Variants in TSC2 observed in about 807,000 individuals in gnomAD.
TSC2 encodes TSC complex subunit 2, also known as tuberin.
In TSC2, 29 loss-of-function variants were observed where a neutral mutation model predicts 202.2. The ratio of observed to expected loss-of-function variants is 0.14; its 90% CI spans 0.11 to 0.20. The LOEUF (loss-of-function observed/expected upper bound fraction) is 0.20. Among genes scored for constraint, TSC2 ranks in the 10% least tolerant of loss-of-function variants. The pLI, the probability that TSC2 is intolerant of heterozygous loss-of-function variation, is 1.00. For missense variants in TSC2, 2,429 were observed against 2,420.0 expected (o/e 1.00, Z -0.08); for synonymous variants, 1,349 against 1,044.0 (o/e 1.29, Z -5.63).
chr16:2,051,697 G>A (rs897147884), intron 3 of TSC2, among the ~76,000 whole-genome samples: 1 of 152,204 alleles, frequency 6.6e-6, no homozygotes, highest in African/African-American at 2.4e-5. Context: ...CTGCTAAGAG[G>A]AGAGTGATTG....
rs1057522018 is a variant in TSC2 at position 2,088,334 on chromosome 16, T to C, written c.5259+9T>C. On this transcript the variant is annotated intron_variant, in intron 41 of 41. Transcript: ENST00000219476. ...AGCGGCTCCGCCAGCGGGTAGGGAA[T>C]ATGGGGCTCCCTCAGCGGGGTGTGC... The C allele has an allele frequency of 1.6e-5, 26 of 1,612,434 alleles. No homozygotes were observed. The Admixed American group carries it at 2.8e-4, about 18-fold the overall frequency.
intron 7 of TSC2, among the ~76,000 whole-genome samples, 197 bp from the exon 8 acceptor site, chr16:2,056,447 G>A (rs2085834404): frequency 6.6e-6 from 1 of 152,242 alleles, no homozygotes; most frequent in South Asian, 2.1e-4. Context: ...GTGGATGACA[G>A]CATCAATGAC....
Position 2,081,715 on chromosome 16 carries a change from A to G in TSC2, c.3731A>G (p.His1244Arg). 1 of 1,612,948 alleles carries G rather than the reference A, an allele frequency of 6.2e-7. No individual in the cohort carries two copies. Among genetic ancestry groups the G allele is most frequent in the East Asian group, 2.2e-5 (1 of 44,888 alleles). Reference sequence around the variant, plus strand: ...ATGGCGGCTGAGCGCTTCAAGGAGCACCGGGACACAGCCCTGTACAAGTCA... The same window carrying G: ...ATGGCGGCTGAGCGCTTCAAGGAGCGCCGGGACACAGCCCTGTACAAGTCA... ...ALMAAERFKE[H>R]RDTALYKSLS... The change falls in exon 31 of 42, where the codon CAC (histidine) becomes CGC (arginine). Residue 1244 changes from histidine to arginine, a missense_variant. Physicochemically the swap from His to Arg is conservative, Grantham distance 29 (BLOSUM62 0). Transcript: ENST00000219476.
Position 2,058,881 on chromosome 16 carries a change from G to A in TSC2, c.975+8G>A, listed in dbSNP as rs137853984. 5.0e-5 allele frequency: 81 copies of A among 1,606,318 alleles called. No individual in the cohort carries two copies. The highest frequency in any genetic ancestry group is 6.1e-5 in the Non-Finnish European group (72 of 1,176,760). The stretch of plus-strand genomic sequence containing the variant: ...TTGCCATCATTTTACCAGGTAAGGC[G>A]GTTTCTGTGTGCAGTGAGCTGGCAG... On this transcript the variant is annotated splice_region_variant and intron_variant, in intron 10 of 41. Transcript: ENST00000219476.
intron 6 of TSC2, chr16:2,055,890 C>CAAA (rs373314420): frequency 5.6e-3 from 1,481 of 264,122 alleles, no homozygotes; most frequent in Middle Eastern, 8.3e-3. Context: ...AACTCCATCT[C>CAAA]AAAAAAAAAA....
In TSC2 at chr16:2,086,400, G is replaced by C. The variant is rs377529424; in HGVS notation, c.4849+21G>C. On this transcript the variant is annotated intron_variant, in intron 37 of 41. Coordinates refer to ENST00000219476, the MANE Select transcript of TSC2 (RefSeq NM_000548.5). ...GCAAGGTACGGCCTGGCGCCTACCC[G>C]CTCCTGCTGCCCCAGGCCTCAGGGC... is the stretch of plus-strand genomic sequence containing the variant. The C allele has an allele frequency of 2.5e-6, 4 of 1,608,342 alleles. No homozygotes were observed. The Admixed American group carries it at 5.0e-5, about 20-fold the overall frequency.
At position 2,079,067 on chromosome 16, in the gene TSC2, G is replaced by A. The variant is rs368878445; in HGVS notation, c.3002G>A (p.Gly1001Glu). The change falls in exon 27 of 42, where the codon GGG (glycine) becomes GAG (glutamate). Residue 1001 changes from glycine to glutamate, a missense_variant. Physicochemically the swap from Gly to Glu is moderately conservative, Grantham distance 98. Transcript: ENST00000219476. This position sits in a 1 kb window ranked among gnomAD's most constrained non-coding sequence, Gnocchi z 4.6. ...ACGTCCCTCACCAGTGCCAGCTTGGGGTCTGCAGATGAGAACTCCGTGGCC... is the reference window on the plus strand; with the variant it reads ...ACGTCCCTCACCAGTGCCAGCTTGGAGTCTGCAGATGAGAACTCCGTGGCC... ...IQTSLTSASL[G>E]SADENSVAQA... 14 of 1,612,904 alleles carry A rather than the reference G, an allele frequency of 8.7e-6. No individual in the cohort carries two copies. In the East Asian group the frequency reaches 2.2e-4, roughly 26 times the overall value.
chr16:2,056,495 C>A (rs1022033890), intron 7 of TSC2, 149 bp from the exon 8 acceptor site: 3 of 1,277,500 alleles, frequency 2.3e-6, no homozygotes, highest in Admixed American at 2.1e-5. Context: ...CCCACATGCC[C>A]GCTTGCCCTG....
intron 2 of TSC2, among the ~76,000 whole-genome samples, chr16:2,049,522 G>A (rs1196830999): frequency 6.6e-6 from 1 of 151,958 alleles, no homozygotes; most frequent in Non-Finnish European, 1.5e-5. Context: ...ATCAACTGAT[G>A]AATAAAATAT....
chr16:2,060,353 C>G (rs560004172), intron 10 of TSC2, among the ~76,000 whole-genome samples: 31 of 152,344 alleles, frequency 2.0e-4, no homozygotes, highest in African/African-American at 7.0e-4. Flanking sequence ...TTGTGCACAG[C>G]TTGCAGCCGA....
At chr16:2,064,607 G>T (rs2087064813) in intron 15 of TSC2, 180 bp downstream of exon 15, 2 of 918,892 alleles carry the variant, frequency 2.2e-6, no homozygotes, top group East Asian at 2.7e-5. Flanking sequence ...TGCTGGATTT[G>T]TGTCCTGACT....
At chr16:2,065,114 A>T (rs1377767684) in intron 15 of TSC2, 1 of 194,702 alleles carries the variant, frequency 5.1e-6, no homozygotes, top group Non-Finnish European at 1.0e-5. Flanking sequence ...ACTCTGTCTC[A>T]AAAAGAAAAA....
At position 2,053,260 on chromosome 16, in the gene TSC2, C is replaced by T. The variant is rs7185742; in HGVS notation, c.226-82C>T. On this transcript the variant is annotated intron_variant, in intron 3 of 41. Coordinates refer to ENST00000219476, the MANE Select transcript of TSC2 (RefSeq NM_000548.5). ...AGCCCCCGTTGTTCCTCCCTGTCCT[C>T]CGCTCACGGCACTGCTCCAGTTGCC... The T allele has an allele frequency of 0.013, 17,654 of 1,398,072 alleles. 145 individuals carry two copies. Among genetic ancestry groups the T allele is most frequent in the Non-Finnish European group, 0.015 (15,360 of 1,010,368 alleles). The allele number at this position is 1,398,072 out of a possible 1,614,324, so 86.6% of individuals were successfully genotyped here.
At chr16:2,054,005 G>A (rs1466970295) in intron 4 of TSC2, 8 of 505,644 alleles carry the variant, frequency 1.6e-5, no homozygotes, top group East Asian at 3.6e-5. Flanking sequence ...GCCCTGCACC[G>A]AGTGCAGGGG....
intron 37 of TSC2, 30 bp downstream of exon 37, chr16:2,086,409 G>GC (rs1357821323): frequency 6.2e-7 from 1 of 1,606,010 alleles, no homozygotes; most frequent in Non-Finnish European, 8.5e-7. Context: ...CGCTCCTGCT[G>GC]CCCCAGGCCT....
intron 14 of TSC2, chr16:2,063,532 C>T (rs1321255646): frequency 1.8e-5 from 5 of 274,610 alleles, no homozygotes; most frequent in South Asian, 1.6e-4. Context: ...ATTTGTGTGC[C>T]TGCCAGTCAT....
Position 2,080,234 on chromosome 16 carries a change from C to T in TSC2, c.3467C>T (p.Pro1156Leu), listed in dbSNP as rs144126969. ...ASQFLGSATS[P>L]GPRTAPAAKP... ...CAGTTCCTGGGCAGTGCCACTTCTC[C>T]AGGACCACGGACTGCACCAGCCGCG... The change falls in exon 30 of 42, where the codon CCA (proline) becomes CTA (leucine). Residue 1156 changes from proline (P) to leucine (L), a missense_variant. Pro to Leu is a moderately conservative substitution (Grantham distance 98). Coordinates refer to ENST00000219476, the MANE Select transcript of TSC2 (RefSeq NM_000548.5). 1.2e-6 allele frequency: 2 copies of T among 1,613,002 alleles called. No homozygotes were observed. The highest frequency in any genetic ancestry group is 1.7e-6 in the Non-Finnish European group (2 of 1,180,028).
At chr16:2,065,390 G>T (rs2087193055) in intron 15 of TSC2, 129 bp from the exon 16 acceptor site, 2 of 834,988 alleles carry the variant, frequency 2.4e-6, no homozygotes, top group East Asian at 5.0e-5. Context: ...TCCAGCCTGG[G>T]CGACAGAGCA....
Position 2,071,889 on chromosome 16 carries a change from G to T in TSC2, c.2052G>T (p.Val684=). The change falls in exon 19 of 42, where the codon GTG becomes GTT. Residue 684 remains valine, a synonymous_variant. Transcript: ENST00000219476. ...GCCCCGCCGTGCGGCTGGGGTCCGT[G>T]CCCTACTCCCTGCTCTTCCGCGTCC... The part of the protein sequence containing the change: ...PAGPAVRLGS[V]PYSLLFRVLL... 1 of 1,597,336 alleles carries T rather than the reference G, an allele frequency of 6.3e-7. No individual in the cohort carries two copies. Among genetic ancestry groups the T allele is most frequent in the Non-Finnish European group, 8.5e-7 (1 of 1,172,484 alleles).
Sources: allele counts gnomAD v4.1 joint callset (sites outside exome capture counted in the v4.1 genomes callset), GRCh38; gene constraint gnomAD v4.1.1; non-coding constraint Gnocchi (gnomAD v3.1); transcripts MANE v1.5; gene names NCBI Gene and HGNC (gene_info 2026-07-23, HGNC 2026-07-21).